Variants in ASTN2 observed in about 807,000 individuals in gnomAD.
The protein encoded by ASTN2 is astrotactin-2.
A neutral mutation model predicts 139.8 loss-of-function variants in ASTN2; 54 were observed. That is an observed-to-expected ratio of 0.39 (90% CI 0.31 to 0.48). ASTN2 has a LOEUF of 0.48. Ranked by LOEUF, ASTN2 falls within the 20% of genes least tolerant of loss-of-function variation. The probability of loss-of-function intolerance (pLI) is 0.95; values close to 1 mark genes in which losing one functional copy is unlikely to be tolerated. For synonymous variants in ASTN2, 756 were observed against 719.5 expected, an observed-to-expected ratio of 1.05 and a Z score of -0.81; for missense variants, 1,565 against 1,725.1, an observed-to-expected ratio of 0.91 and a Z score of 1.64.
rs953452740 is a variant in ASTN2, at chr9:116,580,018, C to T, written c.3355+38306G>A. On this transcript the variant is annotated intron_variant, in intron 19 of 22. Transcript: ENST00000313400. Reference sequence around the variant, plus strand: ...TGTATTTTTAGTAGAGACGGGATTTCACCATGTTGATCAGGTTGGTCTCAA... The same window carrying T: ...TGTATTTTTAGTAGAGACGGGATTTTACCATGTTGATCAGGTTGGTCTCAA... Among the ~76,000 whole-genome samples, 66 of 152,264 alleles carry T rather than the reference C, an allele frequency of 4.3e-4. 1 individual carries two copies. Among genetic ancestry groups the T allele is most frequent in the African/African-American group, 1.5e-3 (64 of 41,558 alleles).
intron 19 of ASTN2, among the ~76,000 whole-genome samples, chr9:116,525,236 C>T (rs72759981): frequency 0.022 from 3,275 of 152,274 alleles, 44 homozygotes; most frequent in Non-Finnish European, 0.033. Context: ...TTGAACTTTA[C>T]ATAAATGATT....
intron 2 of ASTN2, among the ~76,000 whole-genome samples, chr9:117,218,116 T>C (rs1188895679): frequency 1.3e-5 from 2 of 152,236 alleles, no homozygotes; most frequent in Non-Finnish European, 2.9e-5. Context: ...TTCTGCCTTA[T>C]CAAGTTACCT....
chr9:117,340,289 G>A (rs561463259), intron 1 of ASTN2, among the ~76,000 whole-genome samples: 11 of 128,782 alleles, frequency 8.5e-5, no homozygotes, highest in East Asian at 5.1e-4. Context: ...CCAAGATTGC[G>A]CCACCGCACT....
intron 2 of ASTN2, among the ~76,000 whole-genome samples, chr9:117,219,834 G>T (rs946829700): frequency 6.6e-6 from 1 of 152,120 alleles, no homozygotes; most frequent in Non-Finnish European, 1.5e-5. Flanking sequence ...TACTGACAGT[G>T]AGTCTCAGAT....
chr9:116,661,779 A>G (rs931165866), intron 16 of ASTN2, among the ~76,000 whole-genome samples: 6 of 152,070 alleles, frequency 3.9e-5, no homozygotes, highest in Non-Finnish European at 7.4e-5. Context: ...AGCTCTGTAA[A>G]AAGGTGACTC....
At chr9:116,888,522 T>C (rs1323410351) in intron 10 of ASTN2, among the ~76,000 whole-genome samples, 2 of 151,966 alleles carry the variant, frequency 1.3e-5, no homozygotes, top group East Asian at 3.9e-4. Flanking sequence ...TTCTTTCTTT[T>C]GTTTGTTTGT....
At chr9:117,386,549 C>T (rs933625032) in intron 1 of ASTN2, among the ~76,000 whole-genome samples, 2 of 152,080 alleles carry the variant, frequency 1.3e-5, no homozygotes, top group South Asian at 2.1e-4. Flanking sequence ...GGATGGACCA[C>T]GAGCTGTCTT....
intron 19 of ASTN2, among the ~76,000 whole-genome samples, chr9:116,530,722 T>A (rs761602565): frequency 2.6e-5 from 4 of 152,178 alleles, no homozygotes; most frequent in African/African-American, 4.8e-5. Context: ...CTCTTCAATA[T>A]GAGAATAACC....
At chr9:117,187,315 G>C (rs1831226338) in intron 3 of ASTN2, among the ~76,000 whole-genome samples, 1 of 152,088 alleles carries the variant, frequency 6.6e-6, no homozygotes, top group Non-Finnish European at 1.5e-5. Context: ...CCTGAGGAAA[G>C]AACTGTTCAG....
intron 1 of ASTN2, among the ~76,000 whole-genome samples, chr9:117,369,546 C>T (rs942868753): frequency 1.3e-5 from 2 of 152,028 alleles, no homozygotes; most frequent in Non-Finnish European, 2.9e-5. Context: ...GCCATTTTTG[C>T]TTTAAGTATG....
intron 13 of ASTN2, among the ~76,000 whole-genome samples, chr9:116,753,060 A>T (rs898164662): frequency 5.3e-5 from 8 of 152,250 alleles, no homozygotes; most frequent in Non-Finnish European, 1.0e-4. Flanking sequence ...AAAACTCTGC[A>T]CATGTTTATG....
chr9:116,780,887 T>C (rs1830202319), intron 13 of ASTN2, among the ~76,000 whole-genome samples: 1 of 151,380 alleles, frequency 6.6e-6, no homozygotes, highest in African/African-American at 2.4e-5. Flanking sequence ...TTACCCAGGC[T>C]GGAGTGCAAT....
chr9:116,459,630 T>C (rs1451893754), intron 20 of ASTN2, among the ~76,000 whole-genome samples: 1 of 152,000 alleles, frequency 6.6e-6, no homozygotes, highest in Non-Finnish European at 1.5e-5. Flanking sequence ...GACATTCAAA[T>C]GGCTAATAAG....
At position 116,698,922 on chromosome 9, in the gene ASTN2, C is replaced by G. The variant is rs886044008; in HGVS notation, c.2806+26849G>C. 1.2e-6 allele frequency: 2 copies of G among 1,614,192 alleles called. No individual in the cohort carries two copies. Among genetic ancestry groups the G allele is most frequent in the South Asian group, 1.1e-5 (1 of 91,074 alleles). On this transcript the variant is annotated intron_variant, in intron 16 of 22. Coordinates refer to ENST00000313400, the MANE Select transcript of ASTN2 (RefSeq NM_001365068.1). The surrounding 1 kb of genome is among the most constrained non-coding windows in gnomAD (Gnocchi z 4.4). Reference sequence around the variant, plus strand: ...ACTAGTCGCTGACCGTGGTAACTATCGTATACAAGTCTTTACCCGCAAAGG... The same window carrying G: ...ACTAGTCGCTGACCGTGGTAACTATGGTATACAAGTCTTTACCCGCAAAGG...
intron 20 of ASTN2, among the ~76,000 whole-genome samples, chr9:116,446,272 T>TAGAGAGAGAGAGAGAGAGAGAGAG (rs3040241): frequency 5.9e-5 from 7 of 119,122 alleles, no homozygotes; most frequent in East Asian, 2.7e-4. Context: ...GAGAGAGAGA[T>TAGAGAGAGAGAGAGAGAGAGAGAG]AGAGAGAGAG....
intron 20 of ASTN2, among the ~76,000 whole-genome samples, chr9:116,485,806 A>C (rs979447949): frequency 1.3e-5 from 2 of 152,234 alleles, no homozygotes; most frequent in Non-Finnish European, 1.5e-5. Flanking sequence ...AGCCAGGGGC[A>C]GAAGACTCAA....
In ASTN2 at chr9:117,389,162, C is replaced by A. The variant is rs137932204; in HGVS notation, c.442+25335G>T. Among the ~76,000 whole-genome samples, 16 of 152,258 alleles carry A rather than the reference C, an allele frequency of 1.1e-4. No homozygotes were observed. In the East Asian group the frequency reaches 2.1e-3, roughly 20 times the overall value. ...CTCTTCCCTTTGCTCACAATCCAAG[C>A]AGGTTAATTTCCTATATGAAAGAAG... On this transcript the variant is annotated intron_variant, in intron 1 of 22. Coordinates refer to ENST00000313400, the MANE Select transcript of ASTN2 (RefSeq NM_001365068.1).
At chr9:116,663,431 G>A (rs1858678643) in intron 16 of ASTN2, among the ~76,000 whole-genome samples, 1 of 152,018 alleles carries the variant, frequency 6.6e-6, no homozygotes, top group South Asian at 2.1e-4. Context: ...CTCTCTTACT[G>A]TTTTCCTGGG....
chr9:116,672,005 G>T (rs1489988485), intron 16 of ASTN2, among the ~76,000 whole-genome samples: 1 of 152,106 alleles, frequency 6.6e-6, no homozygotes, highest in East Asian at 1.9e-4. Context: ...TGTTTCGAGT[G>T]GCAAAATTTT....
Sources: allele counts gnomAD v4.1 joint callset (sites outside exome capture counted in the v4.1 genomes callset), GRCh38; gene constraint gnomAD v4.1.1; non-coding constraint Gnocchi (gnomAD v3.1); transcripts MANE v1.5; gene names NCBI Gene and HGNC (gene_info 2026-07-23, HGNC 2026-07-21).